The following SCG3 variants were observed in gnomAD, a reference collection of about 807,000 sequenced individuals.
SCG3 encodes the protein secretogranin III.
SCG3 carries 38 observed loss-of-function variants against 56.2 expected under a neutral mutation model. The observed-to-expected ratio is 0.68, with a 90% CI of 0.52 to 0.89. The LOEUF (loss-of-function observed/expected upper bound fraction) is 0.89. Ranked by LOEUF, SCG3 falls within the 40% of genes least tolerant of loss-of-function variation. The pLI is 0.00. For synonymous variants in SCG3, 176 were observed against 184.2 expected (o/e 0.96, Z 0.36); for missense variants, 524 against 540.7 (o/e 0.97, Z 0.31).
At chr15:51,710,198 AGG>A (rs2055411802) in intron 10 of SCG3, among the ~76,000 whole-genome samples, 1 of 152,240 alleles carries the variant, frequency 6.6e-6, no homozygotes, top group African/African-American at 2.4e-5. Flanking sequence ...TTCTAGGCAG[AGG>A]GTACATCAGC....
At chr15:51,717,196 C>A (rs1023875093) in intron 11 of SCG3, among the ~76,000 whole-genome samples, 1 of 152,060 alleles carries the variant, frequency 6.6e-6, no homozygotes. Flanking sequence ...GGTGAACCTC[C>A]ATCTCTACTA....
intron 10 of SCG3, among the ~76,000 whole-genome samples, chr15:51,701,736 T>A (rs926313456): frequency 3.3e-5 from 5 of 152,148 alleles, no homozygotes; most frequent in Non-Finnish European, 5.9e-5. Context: ...AAAAACCTCA[T>A]TTCTACAAAA....
In SCG3 at chr15:51,719,436, C is replaced by T. The variant is rs2055481330; in HGVS notation, c.1317C>T (p.Phe439=). 6.2e-7 allele frequency: 1 copy of T among 1,613,636 alleles called. No homozygotes were observed. Among genetic ancestry groups the T allele is most frequent in the Admixed American group, 1.7e-5 (1 of 59,970 alleles). Residue 439 remains phenylalanine (F), a synonymous_variant, in exon 12 of 12, where the codon TTC becomes TTT. Transcript: ENST00000220478. ...EDYDLSKMRD[F]INKQADAYVE... is the part of the protein sequence containing the mutation. ...ATGACCTTTCAAAGATGAGAGACTT[C>T]ATCAATAAACAAGCTGATGCTTATG...
In SCG3 at chr15:51,715,460, T is replaced by C. The variant is rs2055448263; in HGVS notation, c.1288+2047T>C. 2.6e-5 allele frequency among the ~76,000 whole-genome samples: 4 copies of C among 152,154 alleles called. No homozygotes were observed. In the South Asian group the frequency reaches 8.3e-4, roughly 31 times the overall value. Reference sequence around the variant, plus strand: ...TTAACCATTGTTGCCACCCTTTGTTTGGTAAGGGACTGGGTGACCTGAATC... The same window carrying C: ...TTAACCATTGTTGCCACCCTTTGTTCGGTAAGGGACTGGGTGACCTGAATC... On this transcript the variant is annotated intron_variant, in intron 11 of 11. Transcript: ENST00000220478.
chr15:51,693,917 A>C (rs2055284960), intron 7 of SCG3: 1 of 152,206 alleles, frequency 6.6e-6, no homozygotes, highest in African/African-American at 2.4e-5. Context: ...GCGTGATGCC[A>C]AATACTTCTA....
In SCG3 at chr15:51,696,016, T is replaced by C. The variant is rs41286492; in HGVS notation, c.985+25T>C. ...GGTGAGATTCTATGTGTTTTGTTTC[T>C]ACTGTGGTGGTTTTCATTGTTCAAA... On this transcript the variant is annotated intron_variant, in intron 8 of 11. Coordinates refer to ENST00000220478, the MANE Select transcript of SCG3 (RefSeq NM_013243.4). 10,966 of 1,334,346 alleles carry C rather than the reference T, an allele frequency of 8.2e-3. 427 individuals carry two copies. The East Asian group carries it at 0.11, about 14-fold the overall frequency. The allele number at this position is 1,334,346 out of a possible 1,614,324, so 82.7% of individuals were successfully genotyped here. A position where few individuals can be genotyped will look rare whatever the true frequency, so the allele number is the denominator to read the frequency against.
chr15:51,695,609 A>G, intron 7 of SCG3: 1 of 277,976 alleles, frequency 3.6e-6, no homozygotes, highest in African/African-American at 2.2e-5. Flanking sequence ...TACTGTAATT[A>G]GTGCTGGGTG....
At chr15:51,696,744 G>A (rs937489832) in intron 8 of SCG3, among the ~76,000 whole-genome samples, 2 of 152,066 alleles carry the variant, frequency 1.3e-5, no homozygotes, top group Non-Finnish European at 2.9e-5. Context: ...GGTGCCACAC[G>A]CTTTTAAACA....
At chr15:51,704,689 A>G (rs2055362158) in intron 10 of SCG3, among the ~76,000 whole-genome samples, 1 of 148,542 alleles carries the variant, frequency 6.7e-6, no homozygotes, top group African/African-American at 2.5e-5. Context: ...CATTGTATGT[A>G]TAAGCCACAT....
chr15:51,703,990 G>C (rs777717985), intron 10 of SCG3, among the ~76,000 whole-genome samples: 11 of 151,514 alleles, frequency 7.3e-5, no homozygotes, highest in Non-Finnish European at 1.3e-4. Context: ...AACTCCAATT[G>C]TTTGGTAGTG....
intron 6 of SCG3, among the ~76,000 whole-genome samples, chr15:51,691,098 T>G (rs192581178): frequency 6.6e-6 from 1 of 152,296 alleles, no homozygotes; most frequent in Admixed American, 6.5e-5. Flanking sequence ...TAACTTGAGC[T>G]GAGAACCGAA....
intron 1 of SCG3, among the ~76,000 whole-genome samples, 175 bp downstream of exon 1, chr15:51,682,012 T>C (rs1312364468): frequency 1.3e-5 from 2 of 152,232 alleles, no homozygotes; most frequent in African/African-American, 4.8e-5. Context: ...ATTTTTTTTC[T>C]TCACTTTTAA....
intron 8 of SCG3, 150 bp from the exon 9 acceptor site, chr15:51,699,169 A>G (rs1417047849): frequency 3.3e-5 from 21 of 634,246 alleles, no homozygotes; most frequent in Admixed American, 3.2e-5. Flanking sequence ...GATTCTTAGA[A>G]ATAAAATCCA....
chr15:51,689,953 A>T (rs951123145), intron 6 of SCG3, among the ~76,000 whole-genome samples: 4 of 152,220 alleles, frequency 2.6e-5, no homozygotes, highest in Admixed American at 2.6e-4. Context: ...ATACATAATA[A>T]TATGTGAAGT....
At chr15:51,710,881 CCA>C (rs1438052029) in intron 10 of SCG3, among the ~76,000 whole-genome samples, 1 of 151,406 alleles carries the variant, frequency 6.6e-6, no homozygotes, top group South Asian at 2.1e-4. Flanking sequence ...CAGGTGTGAG[CCA>C]CAGAGCCTGG....
chr15:51,711,501 G>T (rs1015654798), intron 10 of SCG3, among the ~76,000 whole-genome samples: 2 of 152,110 alleles, frequency 1.3e-5, no homozygotes, highest in African/African-American at 4.8e-5. Context: ...AGCCCTATGG[G>T]GATCAGTAAT....
At chr15:51,717,960 C>G (rs1168283359) in intron 11 of SCG3, among the ~76,000 whole-genome samples, 2 of 152,320 alleles carry the variant, frequency 1.3e-5, no homozygotes, top group Non-Finnish European at 2.9e-5. Flanking sequence ...CAGGGTAGGA[C>G]CCTCTATGGA....
At chr15:51,706,687 ATAATAG>A (rs1425737468) in intron 10 of SCG3, among the ~76,000 whole-genome samples, 1 of 151,960 alleles carries the variant, frequency 6.6e-6, no homozygotes, top group Non-Finnish European at 1.5e-5. Flanking sequence ...AGTAATAATA[ATAATAG>A]TAATAATAAT....
At chr15:51,685,676 G>A (rs1310876785) in intron 4 of SCG3, among the ~76,000 whole-genome samples, 1 of 152,162 alleles carries the variant, frequency 6.6e-6, no homozygotes, top group East Asian at 1.9e-4. Flanking sequence ...CATCCCAGAG[G>A]GGAAGGTAAA....
Sources: allele counts gnomAD v4.1 joint callset (sites outside exome capture counted in the v4.1 genomes callset), GRCh38; gene constraint gnomAD v4.1.1; transcripts MANE v1.5; gene names NCBI Gene and HGNC (gene_info 2026-07-23, HGNC 2026-07-21).